Variants in HDAC9 observed in about 807,000 individuals in gnomAD.
HDAC9 encodes histone deacetylase 9.
HDAC9 carries 41 observed loss-of-function variants against 139.4 expected under a neutral mutation model. That is an observed-to-expected ratio of 0.29 (90% CI 0.23 to 0.38). The LOEUF is 0.38. Ranked by LOEUF, HDAC9 falls within the 10% of genes least tolerant of loss-of-function variation. The pLI is 1.00. For synonymous variants in HDAC9, 517 were observed against 476.2 expected (o/e 1.09, Z -1.12); for missense variants, 1,147 against 1,297.0 (o/e 0.88, Z 1.78).
chr7:18,641,550 A>G (rs1312605826), intron 8 of HDAC9, among the ~76,000 whole-genome samples: 1 of 152,104 alleles, frequency 6.6e-6, no homozygotes, highest in Non-Finnish European at 1.5e-5. Context: ...CCATTCATAC[A>G]TTTACTATAT....
chr7:18,535,722 CAAAAAAAAAAA>C (rs72123660), intron 2 of HDAC9, among the ~76,000 whole-genome samples: 2 of 49,232 alleles, frequency 4.1e-5, no homozygotes, highest in African/African-American at 1.6e-4. Flanking sequence ...AGGCATTAAG[CAAAAAAAAAAA>C]AAAAAAAAAA....
chr7:18,133,671 T>G (rs1037087806), intron 1 of HDAC9, among the ~76,000 whole-genome samples: 1 of 152,120 alleles, frequency 6.6e-6, no homozygotes, highest in Non-Finnish European at 1.5e-5. Context: ...TTGGTTGTTT[T>G]GCATTTAAAA....
At chr7:18,384,930 G>A (rs936690363) in intron 1 of HDAC9, among the ~76,000 whole-genome samples, 2 of 152,168 alleles carry the variant, frequency 1.3e-5, no homozygotes, top group Admixed American at 6.5e-5. Flanking sequence ...TCCTGTGAAG[G>A]ATGTTAGGCT....
At chr7:18,955,116 G>A (rs1254517646) in intron 24 of HDAC9, among the ~76,000 whole-genome samples, 1 of 152,062 alleles carries the variant, frequency 6.6e-6, no homozygotes, top group Non-Finnish European at 1.5e-5. Flanking sequence ...TGTCATAACT[G>A]AAATAAACTA....
chr7:18,619,723 C>T (rs1467576374), intron 6 of HDAC9, among the ~76,000 whole-genome samples: 3 of 152,158 alleles, frequency 2.0e-5, no homozygotes, highest in Non-Finnish European at 4.4e-5. Flanking sequence ...CATAGATTAA[C>T]TAAAATGTGT....
At chr7:18,094,191 C>T (rs1004699728) in intron 1 of HDAC9, among the ~76,000 whole-genome samples, 2 of 152,124 alleles carry the variant, frequency 1.3e-5, no homozygotes, top group African/African-American at 4.8e-5. Flanking sequence ...AGGTGTCCAC[C>T]CTTCTAGAAT....
intron 1 of HDAC9, among the ~76,000 whole-genome samples, chr7:18,373,175 A>T (rs1562928869): frequency 6.6e-6 from 1 of 152,216 alleles, no homozygotes; most frequent in Non-Finnish European, 1.5e-5. Context: ...TGGAGTCACA[A>T]GTATAAGTCT....
chr7:18,846,697 G>A (rs911014595), intron 21 of HDAC9, among the ~76,000 whole-genome samples: 1 of 152,114 alleles, frequency 6.6e-6, no homozygotes, highest in Non-Finnish European at 1.5e-5. Context: ...GAGGCTTGGG[G>A]CAAAGAATGG....
intron 12 of HDAC9, among the ~76,000 whole-genome samples, chr7:18,713,330 G>A (rs1310815229): frequency 6.6e-6 from 1 of 152,078 alleles, no homozygotes; most frequent in African/African-American, 2.4e-5. Flanking sequence ...CAGATGAGTT[G>A]ATAAAAATTA....
At chr7:18,913,605 A>C (rs1164263208) in intron 22 of HDAC9, among the ~76,000 whole-genome samples, 1 of 152,092 alleles carries the variant, frequency 6.6e-6, no homozygotes, top group Non-Finnish European at 1.5e-5. Context: ...CAGCCTTCCT[A>C]ATTAATATTG....
Position 18,906,322 on chromosome 7 carries a change from T to G in HDAC9, c.2804-29487T>G, listed in dbSNP as rs554298534. Among the ~76,000 whole-genome samples, 37 of 152,164 alleles carry G rather than the reference T, an allele frequency of 2.4e-4. 1 individual carries two copies. In the South Asian group the frequency reaches 7.3e-3, roughly 30 times the overall value. On this transcript the variant is annotated intron_variant, in intron 22 of 25. Transcript: ENST00000686413. ...ACCATGCCTGGCTAATTTTTGTATTTTTAGTAGAGACAGGGTTTCACCATG... is the reference window on the plus strand; with the variant it reads ...ACCATGCCTGGCTAATTTTTGTATTGTTAGTAGAGACAGGGTTTCACCATG...
At chr7:18,823,917 G>A (rs1429182627) in intron 17 of HDAC9, among the ~76,000 whole-genome samples, 1 of 151,770 alleles carries the variant, frequency 6.6e-6, no homozygotes, top group Non-Finnish European at 1.5e-5. Flanking sequence ...GGTTGAGACT[G>A]CAGTGAGCTG....
At chr7:18,190,622 G>C (rs1790280552) in intron 2 of HDAC9, among the ~76,000 whole-genome samples, 1 of 152,032 alleles carries the variant, frequency 6.6e-6, no homozygotes, top group Admixed American at 6.6e-5. Flanking sequence ...AAAATAAGTT[G>C]GAGTGGAAAA....
At chr7:18,862,339 A>ACTC (rs1798171410) in intron 21 of HDAC9, among the ~76,000 whole-genome samples, 5 of 152,302 alleles carry the variant, frequency 3.3e-5, no homozygotes, top group Admixed American at 6.5e-5. Context: ...TCATAGAATA[A>ACTC]TAGAGCCGCA....
At chr7:18,518,735 A>G (rs1804022812) in intron 2 of HDAC9, among the ~76,000 whole-genome samples, 1 of 152,244 alleles carries the variant, frequency 6.6e-6, no homozygotes, top group Admixed American at 6.5e-5. Context: ...CAGTTACGGA[A>G]AGGCCAGTAA....
chr7:18,882,416 A>G (rs1799804825), intron 22 of HDAC9, among the ~76,000 whole-genome samples: 1 of 152,034 alleles, frequency 6.6e-6, no homozygotes, highest in Non-Finnish European at 1.5e-5. Flanking sequence ...AAGTGCGGAG[A>G]CCCAGCTGTT....
intron 17 of HDAC9, among the ~76,000 whole-genome samples, chr7:18,808,542 A>T (rs79495361): frequency 0.016 from 2,431 of 152,252 alleles, 59 homozygotes; most frequent in African/African-American, 0.056. Flanking sequence ...TCCAAAAAAA[A>T]ATCCCACTTA....
intron 1 of HDAC9, among the ~76,000 whole-genome samples, chr7:18,295,315 G>T (rs1484899855): frequency 1.3e-5 from 2 of 152,206 alleles, no homozygotes; most frequent in East Asian, 1.9e-4. Context: ...CAGGAGAAAG[G>T]AGTGATTATC....
chr7:18,976,305 T>C (rs953068173), intron 25 of HDAC9, among the ~76,000 whole-genome samples: 2 of 152,202 alleles, frequency 1.3e-5, no homozygotes, highest in African/African-American at 4.8e-5. Context: ...TTTTTCCAGA[T>C]GTTCTTTTTC....
Sources: allele counts gnomAD v4.1 joint callset (sites outside exome capture counted in the v4.1 genomes callset), GRCh38; gene constraint gnomAD v4.1.1; transcripts MANE v1.5; gene names NCBI Gene and HGNC (gene_info 2026-07-23, HGNC 2026-07-21).